LRP1B: variants seen among roughly 807,000 people sequenced by gnomAD.
The protein encoded by LRP1B is LDL receptor related protein 1B.
A neutral mutation model predicts 556.6 loss-of-function variants in LRP1B; 217 were observed. The ratio of observed to expected loss-of-function variants is 0.39; its 90% CI spans 0.35 to 0.44. The LOEUF is 0.44. Ranked by LOEUF, LRP1B falls within the 20% of genes least tolerant of loss-of-function variation. LRP1B has a pLI of 1.00. For missense variants in LRP1B, 5,053 were observed against 5,620.8 expected (o/e 0.90, Z 3.23); for synonymous variants, 2,047 against 1,865.8 (o/e 1.10, Z -2.50).
At chr2:140,678,151 G>A (rs1477802999) in intron 41 of LRP1B, among the ~76,000 whole-genome samples, 1 of 152,238 alleles carries the variant, frequency 6.6e-6, no homozygotes, top group East Asian at 1.9e-4. Flanking sequence ...GCAAGTGGAA[G>A]TGAGGCAATT....
chr2:141,085,973 G>C (rs190729729), intron 7 of LRP1B, among the ~76,000 whole-genome samples: 8 of 152,158 alleles, frequency 5.3e-5, no homozygotes, highest in African/African-American at 1.9e-4. Context: ...ATCGTGGTTA[G>C]ATTTGGGTTA....
At chr2:141,248,983 A>G (rs1684165977) in intron 4 of LRP1B, among the ~76,000 whole-genome samples, 1 of 152,162 alleles carries the variant, frequency 6.6e-6, no homozygotes, top group South Asian at 2.1e-4. Flanking sequence ...GTGAAAATTG[A>G]TTGAATTTTG....
At chr2:141,472,995 C>G (rs4446018) in intron 3 of LRP1B, among the ~76,000 whole-genome samples, 66,710 of 151,772 alleles carry the variant, frequency 0.44, 14,948 homozygotes, top group Non-Finnish European at 0.49. Context: ...TCAGCTACAA[C>G]GTAGGGTCAA....
At chr2:140,521,583 C>A (rs1690176197) in intron 49 of LRP1B, among the ~76,000 whole-genome samples, 1 of 151,898 alleles carries the variant, frequency 6.6e-6, no homozygotes, top group South Asian at 2.1e-4. Context: ...CACAAAAGAA[C>A]ACATAAGCAC....
At chr2:141,926,926 A>C (rs1398003226) in intron 1 of LRP1B, among the ~76,000 whole-genome samples, 1 of 152,118 alleles carries the variant, frequency 6.6e-6, no homozygotes, top group African/African-American at 2.4e-5. Context: ...TGTACATATG[A>C]TACAAAATTA....
At chr2:141,582,119 A>G (rs1686973991) in intron 2 of LRP1B, among the ~76,000 whole-genome samples, 1 of 152,230 alleles carries the variant, frequency 6.6e-6, no homozygotes, top group African/African-American at 2.4e-5. Flanking sequence ...ATTTCCTCAT[A>G]AATTTATCTC....
chr2:141,019,298 T>C lies in LRP1B; in HGVS notation c.1970+624A>G, dbSNP rs532743989. The stretch of plus-strand genomic sequence containing the variant: ...GGTGGTATCTAAAATTATGTGGTTG[T>C]CACCCTAGACTAATAAAAAGTAGTG... On this transcript the variant is annotated intron_variant, in intron 12 of 90. Coordinates refer to ENST00000389484, the MANE Select transcript of LRP1B (RefSeq NM_018557.3). 3.0e-3 allele frequency among the ~76,000 whole-genome samples: 452 copies of C among 152,174 alleles called. 2 individuals are homozygous for C. The highest frequency in any genetic ancestry group is 0.01 in the African/African-American group (422 of 41,572).
chr2:140,733,275 T>A (rs1487497853), intron 35 of LRP1B, among the ~76,000 whole-genome samples: 3 of 152,114 alleles, frequency 2.0e-5, no homozygotes, highest in Admixed American at 2.0e-4. Context: ...TGTGACCATA[T>A]AAATCCTATA....
At chr2:142,033,922 C>T (rs1455291612) in intron 1 of LRP1B, among the ~76,000 whole-genome samples, 1 of 151,722 alleles carries the variant, frequency 6.6e-6, no homozygotes, top group Non-Finnish European at 1.5e-5. Context: ...GAGTTCCAGA[C>T]CCATATTTTC....
intron 3 of LRP1B, among the ~76,000 whole-genome samples, chr2:141,402,729 A>C (rs1475971671): frequency 4.6e-5 from 7 of 152,136 alleles, no homozygotes; most frequent in Admixed American, 3.9e-4. Flanking sequence ...TGATTGTTTA[A>C]GAGAGATTGT....
rs1334225912 is a variant in LRP1B at position 140,841,799 on chromosome 2, T to C, written c.4940-707A>G. Among the ~76,000 whole-genome samples the C allele has an allele frequency of 5.3e-5, 8 of 152,144 alleles. No homozygotes were observed. The East Asian group carries it at 1.5e-3, about 29-fold the overall frequency. ...CTTAAATATAATTGCACATTGCAAC[T>C]TCCACTTAAAAACTGCACCTTTTCA... On this transcript the variant is annotated intron_variant, in intron 29 of 90. Coordinates refer to ENST00000389484, the MANE Select transcript of LRP1B (RefSeq NM_018557.3).
At chr2:141,773,376 G>T (rs16847120) in intron 2 of LRP1B, among the ~76,000 whole-genome samples, 44,940 of 152,158 alleles carry the variant, frequency 0.3, 7,536 homozygotes, top group East Asian at 0.4. Flanking sequence ...CTATCAAAAG[G>T]TAGCCAATTG....
At chr2:141,427,608 T>C (rs1680416862) in intron 3 of LRP1B, among the ~76,000 whole-genome samples, 1 of 152,210 alleles carries the variant, frequency 6.6e-6, no homozygotes, top group Non-Finnish European at 1.5e-5. Flanking sequence ...GTTTCATATA[T>C]ATGTATGTCT....
intron 7 of LRP1B, among the ~76,000 whole-genome samples, chr2:141,184,286 C>T (rs1033363197): frequency 2.0e-5 from 3 of 151,998 alleles, no homozygotes; most frequent in Non-Finnish European, 4.4e-5. Flanking sequence ...ATGGTGTCCT[C>T]AGAGGACATG....
chr2:140,405,196 T>A (rs528610233), intron 66 of LRP1B, among the ~76,000 whole-genome samples: 1 of 152,216 alleles, frequency 6.6e-6, no homozygotes, highest in African/African-American at 2.4e-5. Flanking sequence ...TATCAAAACC[T>A]CTAGGATATG....
chr2:141,161,557 C>G (rs750247953), intron 7 of LRP1B, among the ~76,000 whole-genome samples: 4 of 152,274 alleles, frequency 2.6e-5, no homozygotes, highest in South Asian at 2.1e-4. Flanking sequence ...GGGTCTCACA[C>G]TTCCACACCT....
intron 82 of LRP1B, among the ~76,000 whole-genome samples, chr2:140,316,617 G>T (rs1412960993): frequency 6.6e-6 from 1 of 151,654 alleles, no homozygotes; most frequent in Non-Finnish European, 1.5e-5. Context: ...TCCTGGTTCT[G>T]CCGCTTACTA....
chr2:141,967,169 A>G (rs1285177865), intron 1 of LRP1B, among the ~76,000 whole-genome samples: 3 of 151,792 alleles, frequency 2.0e-5, no homozygotes, highest in Admixed American at 6.6e-5. Context: ...TTTCCTTACT[A>G]CTTCTAATTT....
intron 2 of LRP1B, among the ~76,000 whole-genome samples, chr2:141,794,774 C>T (rs1695745300): frequency 6.6e-6 from 1 of 151,890 alleles, no homozygotes. Context: ...GAAATAAAGT[C>T]CTATGACCAA....
Sources: gnomAD v4.1 joint callset for allele counts (sites outside exome capture counted in the v4.1 genomes callset) on GRCh38, gnomAD v4.1.1 for gene constraint, MANE v1.5 for transcripts, NCBI Gene and HGNC (gene_info 2026-07-23, HGNC 2026-07-21) for gene names.